RPLP2: variants seen among roughly 807,000 people sequenced by gnomAD.
The protein encoded by RPLP2 is ribosomal protein lateral stalk subunit P2.
A neutral mutation model predicts 11.5 loss-of-function variants in RPLP2; 1 was observed. The ratio of observed to expected loss-of-function variants is 0.09; its 90% confidence interval spans 0.03 to 0.41. The LOEUF is 0.41. Among genes scored for constraint, RPLP2 ranks in the 10% least tolerant of loss-of-function variants. The pLI is 0.98. For missense variants in RPLP2, 177 were observed against 145.6 expected (o/e 1.22, Z -1.11); for synonymous variants, 82 against 55.9 (o/e 1.47, Z -2.08).
At chr11:812,392 T>A in intron 3 of RPLP2, 143 bp from the exon 4 acceptor site, 2 of 1,076,194 alleles carry the variant, frequency 1.9e-6, no homozygotes, top group Non-Finnish European at 2.7e-6. Context: ...GAGGGAGTGT[T>A]CAGGAAGAAC....
In RPLP2 at chr11:810,037, C is replaced by T. The variant is rs1865973301; in HGVS notation, c.-4C>T. 1.8e-6 allele frequency: 1 copy of T among 568,222 alleles called. No individual in the cohort carries two copies. Among genetic ancestry groups the T allele is most frequent in the Non-Finnish European group, 2.7e-6 (1 of 368,742 alleles). 35.2% of individuals were successfully genotyped at this position (568,222 alleles called of 1,614,324 possible). A position where few individuals can be genotyped will look rare whatever the true frequency, so the allele number is the denominator to read the frequency against. On this transcript the variant is annotated splice_region_variant and 5_prime_UTR_variant, in exon 1 of 5. Transcript: ENST00000321153. ...CCGCCGCCTCCGCCGCAGACGCCGC[C>T]GCGTGAGTGTGGTGACCGGGCCCGG...
intron 1 of RPLP2, 56 bp from the exon 2 acceptor site, chr11:810,178 G>C: frequency 7.0e-7 from 1 of 1,436,128 alleles, no homozygotes; most frequent in South Asian, 1.4e-5. Context: ...CCCGGGATGG[G>C]CCGGCAGGAG....
In RPLP2 at chr11:810,216, C is replaced by T. The variant is rs756527968; in HGVS notation, c.-1-18C>T. ...CGCCGGGGTAACTCCGCCGTCGCGTCCTCTCCGCCCGCCTCAGGATGCGCT... is the reference window on the plus strand; with the variant it reads ...CGCCGGGGTAACTCCGCCGTCGCGTTCTCTCCGCCCGCCTCAGGATGCGCT... On this transcript the variant is annotated intron_variant, in intron 1 of 4. Transcript: ENST00000321153. 28 of 1,514,642 alleles carry T rather than the reference C, an allele frequency of 1.8e-5. No homozygotes were observed. Among genetic ancestry groups the T allele is most frequent in the Admixed American group, 4.3e-5 (2 of 46,998 alleles). 93.8% of individuals were successfully genotyped at this position (1,514,642 alleles called of 1,614,324 possible). A position where few individuals can be genotyped will look rare whatever the true frequency, so the allele number is the denominator to read the frequency against.
intron 2 of RPLP2, 197 bp downstream of exon 2, chr11:810,554 G>C (rs540292965): frequency 1.2e-4 from 54 of 461,716 alleles, no homozygotes; most frequent in African/African-American, 1.0e-3. Context: ...AGTACTTTGG[G>C]AGGACGAGGC....
At chr11:810,573 C>A in intron 2 of RPLP2, 1 of 422,626 alleles carries the variant, frequency 2.4e-6, no homozygotes, top group Non-Finnish European at 4.2e-6. Flanking sequence ...GCAGGCGGAT[C>A]ACCTGAGGTC....
At chr11:810,199 T>TAACTCCGCCGTCGC (rs1554973699) in intron 1 of RPLP2, 35 bp from the exon 2 acceptor site, 5 of 1,455,850 alleles carry the variant, frequency 3.4e-6, no homozygotes, top group Non-Finnish European at 4.6e-6. Context: ...GCCGCCGGGG[T>TAACTCCGCCGTCGC]AACTCCGCCG....
At chr11:811,207 G>T (rs1158299019) in intron 2 of RPLP2, among the ~76,000 whole-genome samples, 2 of 152,088 alleles carry the variant, frequency 1.3e-5, no homozygotes, top group African/African-American at 4.8e-5. Flanking sequence ...GGTTGCTCAT[G>T]CCTGTAGTCC....
chr11:811,944 A>G, intron 3 of RPLP2: 1 of 622,362 alleles, frequency 1.6e-6, no homozygotes, highest in Non-Finnish European at 3.0e-6. Flanking sequence ...TGTCTGGAGA[A>G]CTGAGTTCAC....
intron 2 of RPLP2, chr11:811,345 T>C: frequency 1.8e-6 from 1 of 562,724 alleles, no homozygotes; most frequent in Non-Finnish European, 3.2e-6. Flanking sequence ...TGAAGATACC[T>C]ATGAGTAGTC....
intron 1 of RPLP2, 52 bp downstream of exon 1, chr11:810,091 G>C (rs544855806): frequency 1.5e-5 from 15 of 1,023,018 alleles, no homozygotes; most frequent in Non-Finnish European, 1.8e-5. Flanking sequence ...GGAGTCCGTG[G>C]GGATGCGGGG....
Position 811,491 on chromosome 11 carries a change from G to A in RPLP2, c.124-106G>A, listed in dbSNP as rs1029740616. On this transcript the variant is annotated intron_variant, in intron 2 of 4. Coordinates refer to ENST00000321153, the MANE Select transcript of RPLP2 (RefSeq NM_001004.4). The stretch of plus-strand genomic sequence containing the variant: ...GCAGTGCAGTTCTGGAAACTTCAGG[G>A]CCTATTCCCATGTGGGGAACCCAGT... 19 of 1,373,852 alleles carry A rather than the reference G, an allele frequency of 1.4e-5. No individual in the cohort carries two copies. In the South Asian group the frequency reaches 1.7e-4, roughly 12 times the overall value. The allele number at this position is 1,373,852 out of a possible 1,614,324, so 85.1% of individuals were successfully genotyped here.
rs370315737 is a variant in RPLP2 at position 812,522 on chromosome 11, C to G, written c.173-13C>G. 42 of 1,608,502 alleles carry G rather than the reference C, an allele frequency of 2.6e-5. No homozygotes were observed. Among genetic ancestry groups the G allele is most frequent in the Non-Finnish European group, 3.6e-5 (42 of 1,179,794 alleles). ...GGGCAGCTGCTCTGGTCTCACCTCT[C>G]TGCTTTCTGTAGGTATTGGCAAGCT... is the stretch of plus-strand genomic sequence containing the variant. On this transcript the variant is annotated splice_polypyrimidine_tract_variant and intron_variant, in intron 3 of 4. Transcript: ENST00000321153.
chr11:811,605 T>G lies in RPLP2; in HGVS notation c.132T>G (p.Ser44Arg). The G allele has an allele frequency of 2.5e-6, 4 of 1,614,168 alleles. No individual in the cohort carries two copies. Among genetic ancestry groups the G allele is most frequent in the Non-Finnish European group, 3.4e-6 (4 of 1,180,020 alleles). ...ADDDRLNKVI[S>R]ELNGKNIEDV... ...GTGATTGTCTGCTTCAGGTTATCAG[T>G]GAGCTGAATGGAAAAAACATTGAAG... Residue 44 changes from serine (S) to arginine (R), a missense_variant, in exon 3 of 5, where the codon AGT becomes AGG. Transcript: ENST00000321153.
chr11:811,973 A>G (rs1866080972), intron 3 of RPLP2: 2 of 521,320 alleles, frequency 3.8e-6, no homozygotes, highest in South Asian at 3.7e-5. Context: ...TCCTTACCAC[A>G]TGCTTTCTGT....
intron 2 of RPLP2, among the ~76,000 whole-genome samples, chr11:811,007 C>CAAAAAAAAAA (rs56150719): frequency 1.1e-5 from 1 of 90,360 alleles, no homozygotes; most frequent in Non-Finnish European, 2.2e-5. Context: ...CCGGTCTCCA[C>CAAAAAAAAAA]AAAAAAAAAA....
chr11:811,358 C>T lies in RPLP2; in HGVS notation c.124-239C>T, dbSNP rs377074061. 1.2e-4 allele frequency: 67 copies of T among 577,304 alleles called. 1 individual carries two copies. In the South Asian group the frequency reaches 1.3e-3, roughly 11 times the overall value. The allele number at this position is 577,304 out of a possible 1,614,324, so 35.8% of individuals were successfully genotyped here. A position where few individuals can be genotyped will look rare whatever the true frequency, so the allele number is the denominator to read the frequency against. On this transcript the variant is annotated intron_variant, in intron 2 of 4. Coordinates refer to ENST00000321153, the MANE Select transcript of RPLP2 (RefSeq NM_001004.4). ...GTTGAAGATACCTATGAGTAGTCAA[C>T]ATAAGTAGTGAGATGCCCTGTGTCC...
chr11:812,765 GAGA>G lies in RPLP2; in HGVS notation c.282_284del (p.Lys95del). 6.2e-7 allele frequency: 1 copy of G among 1,613,852 alleles called. No homozygotes were observed. Among genetic ancestry groups the G allele is most frequent in the Non-Finnish European group, 8.5e-7 (1 of 1,179,872 alleles). On this transcript the variant is annotated inframe_deletion, in exon 5 of 5. Coordinates refer to ENST00000321153, the MANE Select transcript of RPLP2 (RefSeq NM_001004.4). Reference sequence around the variant, plus strand: ...GCCTCTCCTCTGTTCCACAGCAGAGGAGAAGAAAGATGAGAAGAAGGAGGAGTC... The same window carrying G: ...GCCTCTCCTCTGTTCCACAGCAGAGGAGAAAGATGAGAAGAAGGAGGAGTC...
At chr11:812,428 C>T (rs1311685636) in intron 3 of RPLP2, 107 bp from the exon 4 acceptor site, 2 of 1,451,858 alleles carry the variant, frequency 1.4e-6, no homozygotes, top group Non-Finnish European at 1.9e-6. Context: ...ATGGTGGGTC[C>T]AGATATGTTG....
At chr11:810,153 G>T in intron 1 of RPLP2, 81 bp from the exon 2 acceptor site, 3 of 1,377,986 alleles carry the variant, frequency 2.2e-6, no homozygotes, top group African/African-American at 1.5e-5. Flanking sequence ...GCCACGCGCG[G>T]CCTCGCCCGG....
Sources: allele counts gnomAD v4.1 joint callset (sites outside exome capture counted in the v4.1 genomes callset), GRCh38; gene constraint gnomAD v4.1.1; transcripts MANE v1.5; gene names NCBI Gene and HGNC (gene_info 2026-07-23, HGNC 2026-07-21).